The following GOT1 variants were observed in gnomAD, a reference collection of about 807,000 sequenced individuals.
GOT1 encodes the protein aspartate aminotransferase, cytoplasmic.
A neutral mutation model predicts 48.2 loss-of-function variants in GOT1; 25 were observed. That is an observed-to-expected ratio of 0.52 (90% CI 0.38 to 0.72). The LOEUF (loss-of-function observed/expected upper bound fraction) is 0.72. GOT1 is among the 30% of genes least tolerant of loss of function. The pLI, the probability that GOT1 is intolerant of heterozygous loss-of-function variation, is 0.00. For synonymous variants in GOT1, 188 were observed against 193.8 expected, an observed-to-expected ratio of 0.97 and a Z score of 0.25; for missense variants, 380 against 520.1, an observed-to-expected ratio of 0.73 and a Z score of 2.62.
chr10:99,398,620 G>A (rs143322029), intron 8 of GOT1, among the ~76,000 whole-genome samples: 2,013 of 151,038 alleles, frequency 0.013, 17 homozygotes, highest in Non-Finnish European at 0.022. Context: ...GCAGTGAGCC[G>A]AGATCACACC....
chr10:99,399,890 G>A (rs937196013), intron 8 of GOT1, among the ~76,000 whole-genome samples: 2 of 152,180 alleles, frequency 1.3e-5, no homozygotes, highest in African/African-American at 4.8e-5. Flanking sequence ...CTCCAAACCA[G>A]TGAACAAAGA....
chr10:99,400,167 T>C (rs2032653000), intron 8 of GOT1, among the ~76,000 whole-genome samples: 1 of 152,236 alleles, frequency 6.6e-6, no homozygotes, highest in Non-Finnish European at 1.5e-5. Context: ...ACATATACAA[T>C]TTTTTAAACA....
rs2032620323 is a variant in GOT1 at position 99,397,832 on chromosome 10, C to T, written c.1103-146G>A. 1.4e-6 allele frequency: 1 copy of T among 714,210 alleles called. No individual in the cohort carries two copies. The highest frequency in any genetic ancestry group is 1.9e-5 in the South Asian group (1 of 52,196). The allele number at this position is 714,210 out of a possible 1,614,324, so 44.2% of individuals were successfully genotyped here. ...AAAAGGCGCTATTTTGTCCAACTGACAAACAGAAAAATATGCTCACTAGAT... is the reference window on the plus strand; with the variant it reads ...AAAAGGCGCTATTTTGTCCAACTGATAAACAGAAAAATATGCTCACTAGAT... On this transcript the variant is annotated intron_variant, in intron 8 of 8. Coordinates refer to ENST00000370508, the MANE Select transcript of GOT1 (RefSeq NM_002079.3). This position sits in a 1 kb window ranked among gnomAD's most constrained non-coding sequence, Gnocchi z 5.4.
chr10:99,414,974 C>G (rs2134104260), intron 2 of GOT1, among the ~76,000 whole-genome samples: 1 of 150,706 alleles, frequency 6.6e-6, no homozygotes, highest in South Asian at 2.1e-4. Flanking sequence ...CACTAAATGC[C>G]CACAAGAGAA....
chr10:99,406,694 G>A, intron 3 of GOT1, 32 bp downstream of exon 3: 2 of 1,605,346 alleles, frequency 1.2e-6, no homozygotes, highest in South Asian at 1.1e-5. Context: ...TCTGGTTTCT[G>A]TTTTTCCTCT....
chr10:99,402,741 C>T lies in GOT1; in HGVS notation c.960-19G>A, dbSNP rs371207629. 10 of 1,607,562 alleles carry T rather than the reference C, an allele frequency of 6.2e-6. No individual in the cohort carries two copies. Among genetic ancestry groups the T allele is most frequent in the Middle Eastern group, 1.7e-4 (1 of 6,048 alleles). The stretch of plus-strand genomic sequence containing the variant: ...ACCTGTCCTGAAGCATGGACAGTGA[C>T]GTAAATACCAATCCAGACAGGAAAG... On this transcript the variant is annotated intron_variant, in intron 7 of 8. Coordinates refer to ENST00000370508, the MANE Select transcript of GOT1 (RefSeq NM_002079.3).
At chr10:99,422,725 C>A (rs1210960505) in intron 1 of GOT1, among the ~76,000 whole-genome samples, 1 of 152,198 alleles carries the variant, frequency 6.6e-6, no homozygotes, top group Non-Finnish European at 1.5e-5. Context: ...CAGCTTCTTA[C>A]ATATGCCCTT....
chr10:99,420,650 CA>C lies in GOT1; in HGVS notation c.273del (p.Asp91GlufsTer11). 1 of 1,613,824 alleles carries C rather than the reference CA, an allele frequency of 6.2e-7. No individual in the cohort carries two copies. Among genetic ancestry groups the C allele is most frequent in the Non-Finnish European group, 8.5e-7 (1 of 1,179,868 alleles). On this transcript the variant is annotated frameshift_variant, in exon 2 of 9. Coordinates refer to ENST00000370508, the MANE Select transcript of GOT1 (RefSeq NM_002079.3). LOFTEE classifies it high-confidence loss of function. ...CGCTTCTCCTTGAGTGCTGGGCTGTCATCCCCAAGGGCAAGACGAGAAGCAC... is the reference window on the plus strand; with the variant it reads ...CGCTTCTCCTTGAGTGCTGGGCTGTCTCCCCAAGGGCAAGACGAGAAGCAC... ...RSCASRLALGDDSPALKEKRV... is the reference protein window; with the variant it reads ...RSCASRLALGXDSPALKEKRV...
chr10:99,430,400 C>T (rs532815687), intron 1 of GOT1, 48 bp downstream of exon 1: 1 of 1,602,360 alleles, frequency 6.2e-7, no homozygotes, highest in South Asian at 1.1e-5. Flanking sequence ...TGGGTTGGGT[C>T]CGCTCCACTC....
chr10:99,415,319 T>C (rs1194380495), intron 2 of GOT1, among the ~76,000 whole-genome samples: 2 of 152,090 alleles, frequency 1.3e-5, no homozygotes, highest in Non-Finnish European at 2.9e-5. Flanking sequence ...AACACCTCTA[T>C]GGAAATAAAC....
intron 2 of GOT1, among the ~76,000 whole-genome samples, chr10:99,407,645 G>C (rs2032778630): frequency 6.6e-6 from 1 of 151,856 alleles, no homozygotes. Flanking sequence ...TTTTGGCCAG[G>C]TTGGTCTCGA....
chr10:99,417,627 T>C (rs1390748416), intron 2 of GOT1, among the ~76,000 whole-genome samples: 3 of 152,166 alleles, frequency 2.0e-5, no homozygotes, highest in Non-Finnish European at 2.9e-5. Flanking sequence ...GACACATGCA[T>C]ACATATGTTT....
At chr10:99,399,478 A>G (rs551627576) in intron 8 of GOT1, among the ~76,000 whole-genome samples, 2 of 152,300 alleles carry the variant, frequency 1.3e-5, no homozygotes, top group East Asian at 1.9e-4. Flanking sequence ...AAGTTAATAA[A>G]TTTGCATGCT....
chr10:99,407,224 G>C (rs2032772526), intron 2 of GOT1, among the ~76,000 whole-genome samples: 1 of 151,944 alleles, frequency 6.6e-6, no homozygotes, highest in Admixed American at 6.6e-5. Flanking sequence ...CACATGCCTT[G>C]GAAGGCAAAC....
Position 99,430,452 on chromosome 10 carries a change from C to G in GOT1, c.114G>C (p.Val38=), listed in dbSNP as rs373418737. The G allele has an allele frequency of 6.2e-7, 1 of 1,607,024 alleles. No homozygotes were observed. Among genetic ancestry groups the G allele is most frequent in the Non-Finnish European group, 8.5e-7 (1 of 1,175,734 alleles). The change falls in exon 1 of 9, where the codon GTG becomes GTC. Residue 38 remains valine, a synonymous_variant. Coordinates refer to ENST00000370508, the MANE Select transcript of GOT1 (RefSeq NM_002079.3). ...DPDPRKVNLG[V]GAYRTDDCHP... ...TCCAGAGCACTACATCCTTACCTCC[C>G]ACTCCCAGGTTGACCTTGCGGGGGT...
At chr10:99,408,542 C>T (rs2032790568) in intron 2 of GOT1, among the ~76,000 whole-genome samples, 1 of 152,138 alleles carries the variant, frequency 6.6e-6, no homozygotes, top group African/African-American at 2.4e-5. Flanking sequence ...CATGGTGAAA[C>T]CCTGTCTCTC....
At chr10:99,422,366 C>A (rs2032981697) in intron 1 of GOT1, among the ~76,000 whole-genome samples, 1 of 152,110 alleles carries the variant, frequency 6.6e-6, no homozygotes, top group Non-Finnish European at 1.5e-5. Flanking sequence ...TCAGGTAGTT[C>A]TTTATAGCAG....
chr10:99,420,526 C>G lies in GOT1; in HGVS notation c.300+98G>C, dbSNP rs1019788067. 10 of 894,692 alleles carry G rather than the reference C, an allele frequency of 1.1e-5. No homozygotes were observed. The South Asian group carries it at 1.7e-4, about 16-fold the overall frequency. 55.4% of individuals were successfully genotyped at this position (894,692 alleles called of 1,614,324 possible). A position where few individuals can be genotyped will look rare whatever the true frequency, so the allele number is the denominator to read the frequency against. ...CAGAAACACTTATTCATTGGCAGTTCAATAGACATAACGCCTAATATTTTA... is the reference window on the plus strand; with the variant it reads ...CAGAAACACTTATTCATTGGCAGTTGAATAGACATAACGCCTAATATTTTA... On this transcript the variant is annotated intron_variant, in intron 2 of 8. Coordinates refer to ENST00000370508, the MANE Select transcript of GOT1 (RefSeq NM_002079.3).
At chr10:99,426,003 A>G (rs2033033676) in intron 1 of GOT1, among the ~76,000 whole-genome samples, 1 of 152,216 alleles carries the variant, frequency 6.6e-6, no homozygotes, top group African/African-American at 2.4e-5. Flanking sequence ...CAACCCACAA[A>G]ATAGATATTG....
Sources: gnomAD v4.1 joint callset for allele counts (sites outside exome capture counted in the v4.1 genomes callset) on GRCh38, gnomAD v4.1.1 for gene constraint, Gnocchi (gnomAD v3.1) non-coding constraint, MANE v1.5 for transcripts, NCBI Gene and HGNC (gene_info 2026-07-23, HGNC 2026-07-21) for gene names.